TDRD12: variants seen among roughly 807,000 people sequenced by gnomAD.
TDRD12 encodes the protein tudor domain containing 12.
In TDRD12, 158 loss-of-function variants were observed where a neutral mutation model predicts 133.5. That is an observed-to-expected ratio of 1.18 (90% CI 1.04 to 1.35). The LOEUF (loss-of-function observed/expected upper bound fraction) is 1.35, where lower values mean the gene tolerates loss of function less well. Ranked by LOEUF, TDRD12 falls within the 40% of genes most tolerant of loss-of-function variation. The probability of loss-of-function intolerance (pLI) is 0.00; values close to 1 mark genes in which losing one functional copy is unlikely to be tolerated. For missense variants in TDRD12, 1,443 were observed against 1,321.3 expected, an observed-to-expected ratio of 1.09 and a Z score of -1.43; for synonymous variants, 460 against 477.9, an observed-to-expected ratio of 0.96 and a Z score of 0.49.
chr19:32,732,059 A>G (rs1335213834), intron 2 of TDRD12, among the ~76,000 whole-genome samples, 176 bp downstream of exon 2: 1 of 151,924 alleles, frequency 6.6e-6, no homozygotes, highest in East Asian at 1.9e-4. Flanking sequence ...GCTGGAGTAC[A>G]GTGGCACCAT....
intron 27 of TDRD12, 87 bp downstream of exon 27, chr19:32,818,244 G>A: frequency 1.6e-6 from 1 of 633,106 alleles, no homozygotes; most frequent in Non-Finnish European, 2.8e-6. Context: ...GGACACCTGG[G>A]AGGAGTCTCC....
rs747215487 is a variant in TDRD12, at chr19:32,777,237, T to C, written c.1121+8T>C. On this transcript the variant is annotated splice_region_variant and intron_variant, in intron 11 of 27. Coordinates refer to ENST00000444215, the Ensembl canonical transcript of TDRD12. ...GAAGAATAGCTGTGTGAAGTAAGAA[T>C]TTTTTCCTTGGCCTGAATTGTGTAT... 5 of 1,495,724 alleles carry C rather than the reference T, an allele frequency of 3.3e-6. No individual in the cohort carries two copies. In the South Asian group the frequency reaches 3.9e-5, roughly 12 times the overall value. 92.7% of individuals were successfully genotyped at this position (1,495,724 alleles called of 1,614,324 possible).
Position 32,738,735 on chromosome 19 carries a change from CCT to C in TDRD12, c.184-120_184-119del, listed in dbSNP as rs1599840057. ...GGCTGAGGCAGGAGAATTGCTTGAA[CCT>C]GGGAGGTGGAGATTGCAGTGAGCTG... On this transcript the variant is annotated intron_variant, in intron 2 of 27. Transcript: ENST00000444215. The C allele has an allele frequency of 2.8e-6, 3 of 1,083,266 alleles. No individual in the cohort carries two copies. In the East Asian group the frequency reaches 8.2e-5, roughly 30 times the overall value. 67.1% of individuals were successfully genotyped at this position (1,083,266 alleles called of 1,614,324 possible). A position where few individuals can be genotyped will look rare whatever the true frequency, so the allele number is the denominator to read the frequency against.
At chr19:32,788,447 C>G (rs936986004) in intron 11 of TDRD12, among the ~76,000 whole-genome samples, 1 of 152,118 alleles carries the variant, frequency 6.6e-6, no homozygotes, top group Non-Finnish European at 1.5e-5. Flanking sequence ...CAATTTTGTC[C>G]TCTACTCATT....
chr19:32,801,919 T>C (rs768673472), intron 19 of TDRD12, 46 bp downstream of exon 19: 4 of 657,710 alleles, frequency 6.1e-6, no homozygotes, highest in Non-Finnish European at 7.1e-6. Flanking sequence ...GTTGAGCTAC[T>C]AGGAATTCTA....
chr19:32,807,522 T>G, intron 21 of TDRD12, 27 bp from the exon 22 acceptor site: 1 of 1,422,192 alleles, frequency 7.0e-7, no homozygotes, highest in Non-Finnish European at 9.3e-7. Flanking sequence ...TACTTACTTA[T>G]GATAAGTCTA....
intron 27 of TDRD12, among the ~76,000 whole-genome samples, chr19:32,819,987 G>C (rs1338895896): frequency 6.6e-6 from 1 of 152,156 alleles, no homozygotes; most frequent in African/African-American, 2.4e-5. Flanking sequence ...AAAGCAGCTG[G>C]GGAAGGCTCT....
rs1419879220 is a variant in TDRD12 at position 32,720,743 on chromosome 19, C to T, written c.24+647C>T. On this transcript the variant is annotated intron_variant, in intron 1 of 27. Coordinates refer to ENST00000444215, the Ensembl canonical transcript of TDRD12. The stretch of plus-strand genomic sequence containing the variant: ...AGCCCCACACACCCCACCACCACCC[C>T]ATCTCCACTCCCACCTGCACCCCAG... Among the ~76,000 whole-genome samples the T allele has an allele frequency of 1.4e-4, 11 of 79,376 alleles. 1 individual carries two copies. The highest frequency in any genetic ancestry group is 2.8e-4 in the Non-Finnish European group (11 of 39,548). 52.1% of individuals were successfully genotyped at this position (79,376 alleles called of 152,430 possible).
intron 8 of TDRD12, among the ~76,000 whole-genome samples, chr19:32,768,071 G>A (rs574954638): frequency 6.6e-6 from 1 of 152,292 alleles, no homozygotes; most frequent in Non-Finnish European, 1.5e-5. Context: ...CTTACATATT[G>A]TATACAGCTG....
chr19:32,767,794 G>A (rs1478603814), intron 8 of TDRD12, among the ~76,000 whole-genome samples: 1 of 152,188 alleles, frequency 6.6e-6, no homozygotes, highest in Non-Finnish European at 1.5e-5. Flanking sequence ...ATGAAGGTCT[G>A]GGAGAGGTTG....
At chr19:32,757,104 A>G in exon 8 of TDRD12, 1 of 1,551,816 alleles carries the variant, frequency 6.4e-7, no homozygotes, top group Non-Finnish European at 8.7e-7. Context: ...ATTGTCGGTG[A>G]CCTCAGGCCA....
chr19:32,825,813 G>T (rs996523116), downstream of TDRD12, among the ~76,000 whole-genome samples: 1 of 152,194 alleles, frequency 6.6e-6, no homozygotes, highest in Non-Finnish European at 1.5e-5. The surrounding 1 kb of genome is among the most constrained non-coding windows in gnomAD (Gnocchi z 4.1). Context: ...CTCGAAGGCA[G>T]AGGTTGCAGT....
At chr19:32,819,137 C>A (rs1421077852) in intron 27 of TDRD12, among the ~76,000 whole-genome samples, 4 of 151,882 alleles carry the variant, frequency 2.6e-5, no homozygotes, top group African/African-American at 9.7e-5. Flanking sequence ...GGCAACATAG[C>A]AAGACCCTGT....
At chr19:32,774,985 A>C (rs943702008) in intron 10 of TDRD12, among the ~76,000 whole-genome samples, 1 of 143,982 alleles carries the variant, frequency 6.9e-6, no homozygotes, top group Admixed American at 6.9e-5. Flanking sequence ...ACTCCGTTTC[A>C]AAAAAAAAAA....
At chr19:32,789,739 G>A (rs887438342) in intron 11 of TDRD12, among the ~76,000 whole-genome samples, 4 of 152,144 alleles carry the variant, frequency 2.6e-5, no homozygotes, top group African/African-American at 9.7e-5. Context: ...AGTGGCTCAC[G>A]CCTATAATCC....
intron 1 of TDRD12, among the ~76,000 whole-genome samples, chr19:32,724,649 T>C (rs1240816640): frequency 6.6e-6 from 1 of 152,180 alleles, no homozygotes; most frequent in Non-Finnish European, 1.5e-5. Context: ...GTTGATTCCA[T>C]GTCTTTGCTA....
intron 4 of TDRD12, among the ~76,000 whole-genome samples, chr19:32,743,807 T>G (rs1455794668): frequency 1.3e-5 from 2 of 152,122 alleles, no homozygotes; most frequent in Admixed American, 1.3e-4. Context: ...GGCATGGGAA[T>G]CACCTGAGGT....
At chr19:32,817,350 T>C (rs1010429501) in intron 26 of TDRD12, among the ~76,000 whole-genome samples, 2 of 152,046 alleles carry the variant, frequency 1.3e-5, no homozygotes, top group Admixed American at 6.6e-5. Context: ...CCTGGGCACT[T>C]TAAGTGGAAT....
At chr19:32,767,281 A>C (rs1970327175) in intron 8 of TDRD12, among the ~76,000 whole-genome samples, 1 of 151,678 alleles carries the variant, frequency 6.6e-6, no homozygotes, top group Admixed American at 6.6e-5. Context: ...GGTGTGCACC[A>C]CTATGCCCGG....
Sources: gnomAD v4.1 joint callset for allele counts (sites outside exome capture counted in the v4.1 genomes callset) on GRCh38, gnomAD v4.1.1 for gene constraint, Gnocchi (gnomAD v3.1) non-coding constraint, MANE v1.5 for transcripts, NCBI Gene and HGNC (gene_info 2026-07-23, HGNC 2026-07-21) for gene names.